The following FRMD6 variants were observed in gnomAD, a reference collection of about 807,000 sequenced individuals.
FRMD6 encodes the protein FERM domain containing 6.
A neutral mutation model predicts 73.2 loss-of-function variants in FRMD6; 37 were observed. The ratio of observed to expected loss-of-function variants is 0.51; its 90% CI spans 0.39 to 0.66. FRMD6 has a LOEUF of 0.66. Ranked by LOEUF, FRMD6 falls within the 30% of genes least tolerant of loss-of-function variation. FRMD6 has a pLI of 0.00. For synonymous variants in FRMD6, 273 were observed against 282.2 expected, an observed-to-expected ratio of 0.97 and a Z score of 0.33; for missense variants, 714 against 780.5, an observed-to-expected ratio of 0.91 and a Z score of 1.02.
At chr14:51,547,915 T>C (rs1419293328) in intron 1 of FRMD6, 2 of 151,636 alleles carry the variant, frequency 1.3e-5, no homozygotes, top group African/African-American at 4.8e-5. Flanking sequence ...ATCTTGGGTC[T>C]TTTGTAATTG....
chr14:51,488,147 C>T (rs1420761530), upstream of FRMD6, among the ~76,000 whole-genome samples: 1 of 152,168 alleles, frequency 6.6e-6, no homozygotes, highest in Non-Finnish European at 1.5e-5. Flanking sequence ...GAATGAGAAC[C>T]TCCCTTCCCA....
chr14:51,518,218 A>G (rs530561908), intron 1 of FRMD6, among the ~76,000 whole-genome samples: 6 of 152,370 alleles, frequency 3.9e-5, no homozygotes, highest in Admixed American at 3.3e-4. Flanking sequence ...AAAGTGTACC[A>G]TGAAGTATAT....
intron 11 of FRMD6, among the ~76,000 whole-genome samples, 188 bp from the exon 12 acceptor site, chr14:51,721,761 G>GGGA (rs1897624471): frequency 7.3e-6 from 1 of 137,234 alleles, no homozygotes; most frequent in African/African-American, 2.9e-5. Context: ...GAAGGAAGGA[G>GGGA]GGAAGGAGGG....
At chr14:51,499,578 G>A (rs935903551) in intron 1 of FRMD6, among the ~76,000 whole-genome samples, 1 of 152,216 alleles carries the variant, frequency 6.6e-6, no homozygotes, top group Non-Finnish European at 1.5e-5. Context: ...ACGTGGAGTA[G>A]GGGCCTGACC....
intron 3 of FRMD6, among the ~76,000 whole-genome samples, chr14:51,699,754 G>A (rs1019228403): frequency 6.6e-6 from 1 of 151,962 alleles, no homozygotes; most frequent in Non-Finnish European, 1.5e-5. Flanking sequence ...ATATATATAT[G>A]TACTATTATG....
At chr14:51,529,223 T>C (rs1290025803) in intron 1 of FRMD6, among the ~76,000 whole-genome samples, 1 of 152,268 alleles carries the variant, frequency 6.6e-6, no homozygotes, top group Admixed American at 6.5e-5. Flanking sequence ...TGGGCTTAAA[T>C]CCTAGTTGTA....
At chr14:51,667,415 C>T (rs1195915536) in intron 1 of FRMD6, among the ~76,000 whole-genome samples, 2 of 152,094 alleles carry the variant, frequency 1.3e-5, no homozygotes, top group Admixed American at 1.3e-4. Flanking sequence ...AATTTACTGA[C>T]ATGTGTGACC....
At chr14:51,449,777 A>G in the FRMD6 span, among the ~76,000 whole-genome samples, 1 of 152,126 alleles carries the variant, frequency 6.6e-6, no homozygotes, top group Non-Finnish European at 1.5e-5. Context: ...AATCCAATAA[A>G]ACACAAACCC....
chr14:51,470,610 TA>T, the FRMD6 span, among the ~76,000 whole-genome samples: 1 of 152,226 alleles, frequency 6.6e-6, no homozygotes, highest in Non-Finnish European at 1.5e-5. Flanking sequence ...TTTTTGCTCT[TA>T]TTTTTATCAT....
intron 1 of FRMD6, among the ~76,000 whole-genome samples, chr14:51,672,071 A>G (rs1447468069): frequency 6.6e-6 from 1 of 152,370 alleles, no homozygotes; most frequent in African/African-American, 2.4e-5. Context: ...AAGAATTGTA[A>G]CAAGAGATGA....
At chr14:51,678,503 C>T (rs1202646715) in intron 1 of FRMD6, among the ~76,000 whole-genome samples, 1 of 152,128 alleles carries the variant, frequency 6.6e-6, no homozygotes, top group African/African-American at 2.4e-5. Flanking sequence ...ATTCAAGAAG[C>T]TCTGACCAAC....
the FRMD6 span, among the ~76,000 whole-genome samples, chr14:51,475,436 A>G: frequency 6.6e-6 from 1 of 152,180 alleles, no homozygotes; most frequent in African/African-American, 2.4e-5. Flanking sequence ...CAAATTGATA[A>G]TATGTTCAAC....
chr14:51,685,675 T>C (rs1028495820), intron 1 of FRMD6, among the ~76,000 whole-genome samples: 1 of 152,234 alleles, frequency 6.6e-6, no homozygotes, highest in African/African-American at 2.4e-5. Flanking sequence ...ATCCATTATA[T>C]CTTCCTTTGA....
At chr14:51,560,196 G>A (rs778938430) in intron 1 of FRMD6, among the ~76,000 whole-genome samples, 1 of 152,232 alleles carries the variant, frequency 6.6e-6, no homozygotes, top group Admixed American at 6.5e-5. Flanking sequence ...GTGTGAGAAG[G>A]CAGAGTCTCA....
chr14:51,572,199 T>A (rs1234951957), intron 2 of FRMD6, among the ~76,000 whole-genome samples: 1 of 152,258 alleles, frequency 6.6e-6, no homozygotes, highest in East Asian at 1.9e-4. Context: ...TCCTCTAATG[T>A]TCACCAGCCC....
chr14:51,707,352 C>G (rs1777224332), intron 6 of FRMD6, among the ~76,000 whole-genome samples: 1 of 152,160 alleles, frequency 6.6e-6, no homozygotes, highest in Non-Finnish European at 1.5e-5. Context: ...GACTCTTGCT[C>G]ACATTGCATA....
chr14:51,477,742 T>TC, the FRMD6 span, among the ~76,000 whole-genome samples: 1 of 5,520 alleles, frequency 1.8e-4, no homozygotes, highest in Non-Finnish European at 3.3e-4. Context: ...TTTTTCTTTT[T>TC]TTTTTTTTTT....
chr14:51,560,399 T>C (rs1006456432), intron 1 of FRMD6, among the ~76,000 whole-genome samples: 1 of 152,196 alleles, frequency 6.6e-6, no homozygotes, highest in African/African-American at 2.4e-5. Context: ...TTTCAGAAGC[T>C]GCATGGGAGA....
intron 2 of FRMD6, among the ~76,000 whole-genome samples, chr14:51,616,169 A>G (rs1890701391): frequency 6.6e-6 from 1 of 152,176 alleles, no homozygotes; most frequent in Non-Finnish European, 1.5e-5. Context: ...AGATGTCTGT[A>G]GTTGACAGCC....
Sources: allele counts gnomAD v4.1 joint callset (sites outside exome capture counted in the v4.1 genomes callset), GRCh38; gene constraint gnomAD v4.1.1; transcripts MANE v1.5; gene names NCBI Gene and HGNC (gene_info 2026-07-23, HGNC 2026-07-21).